The following RFX3 variants were observed in gnomAD, a reference collection of about 807,000 sequenced individuals.
The protein encoded by RFX3 is regulatory factor X3.
A neutral mutation model predicts 98.6 loss-of-function variants in RFX3; 14 were observed. The ratio of observed to expected loss-of-function variants is 0.14; its 90% CI spans 0.09 to 0.22. RFX3 has a LOEUF of 0.22. RFX3 is among the 10% of genes least tolerant of loss of function. The pLI, the probability that RFX3 is intolerant of heterozygous loss-of-function variation, is 1.00. For synonymous variants in RFX3, 383 were observed against 328.4 expected, an observed-to-expected ratio of 1.17 and a Z score of -1.80; for missense variants, 639 against 926.9, an observed-to-expected ratio of 0.69 and a Z score of 4.03.
chr9:3,427,826 T>G (rs1331010898), intron 1 of RFX3, among the ~76,000 whole-genome samples: 2 of 152,098 alleles, frequency 1.3e-5, no homozygotes, highest in East Asian at 3.9e-4. Flanking sequence ...AGCCATGACT[T>G]GAAGGGAACC....
At chr9:3,455,448 C>T (rs1847066308) in intron 1 of RFX3, among the ~76,000 whole-genome samples, 1 of 152,166 alleles carries the variant, frequency 6.6e-6, no homozygotes, top group Non-Finnish European at 1.5e-5. Flanking sequence ...ACTTCTACTT[C>T]ATTGAAGTTA....
At chr9:3,505,234 A>ATTTATATGTACATTTT (rs1322348398) in intron 1 of RFX3, among the ~76,000 whole-genome samples, 1 of 83,404 alleles carries the variant, frequency 1.2e-5, no homozygotes, top group African/African-American at 6.4e-5. Context: ...ATATATGAAT[A>ATTTATATGTACATTTT]TATATTTATA....
At chr9:3,326,855 C>CA (rs1447229331) in intron 4 of RFX3, among the ~76,000 whole-genome samples, 6 of 152,146 alleles carry the variant, frequency 3.9e-5, no homozygotes, top group African/African-American at 1.4e-4. Context: ...GCTAGTTTTA[C>CA]ATCAACTGAA....
intron 2 of RFX3, among the ~76,000 whole-genome samples, chr9:3,374,868 T>TAAA (rs71324246): frequency 4.0e-5 from 6 of 149,186 alleles, no homozygotes; most frequent in African/African-American, 7.3e-5. Flanking sequence ...AAATACAGGT[T>TAAA]AAAAAAAAAA....
intron 1 of RFX3, among the ~76,000 whole-genome samples, chr9:3,498,669 C>T (rs1851282890): frequency 6.6e-6 from 1 of 152,020 alleles, no homozygotes; most frequent in Non-Finnish European, 1.5e-5. Flanking sequence ...TTTAATACCA[C>T]AAGTCCTGTG....
chr9:3,504,201 ATT>A (rs1482257719), intron 1 of RFX3, among the ~76,000 whole-genome samples: 1 of 107,880 alleles, frequency 9.3e-6, no homozygotes, highest in Admixed American at 1.1e-4. Flanking sequence ...TATTATATAT[ATT>A]ATATATATTA....
chr9:3,437,748 C>T (rs1372843817), intron 1 of RFX3, among the ~76,000 whole-genome samples: 1 of 152,002 alleles, frequency 6.6e-6, no homozygotes, highest in African/African-American at 2.4e-5. Context: ...CAAGCCCAAC[C>T]CTATCTCTCC....
intron 1 of RFX3, among the ~76,000 whole-genome samples, chr9:3,484,309 C>A (rs1286308541): frequency 6.6e-6 from 1 of 152,144 alleles, no homozygotes; most frequent in Non-Finnish European, 1.5e-5. Context: ...GCCTGGCACA[C>A]AACTAGCACT....
rs561521793 is a variant in RFX3, at chr9:3,485,890, C to T, written c.-9+39857G>A. Among the ~76,000 whole-genome samples the T allele has an allele frequency of 2.8e-3, 420 of 152,024 alleles. 1 individual carries two copies. The highest frequency in any genetic ancestry group is 9.8e-3 in the African/African-American group (405 of 41,490). ...CTGTAATCCCAACACTTTGGGAGGC[C>T]GAGGTGGGCGGATCACCTGAAGTCG... On this transcript the variant is annotated intron_variant, in intron 1 of 16. Transcript: ENST00000617270.
chr9:3,430,341 G>C (rs1390505826), intron 1 of RFX3, among the ~76,000 whole-genome samples: 3 of 152,110 alleles, frequency 2.0e-5, no homozygotes, highest in African/African-American at 4.8e-5. Context: ...AGAAAGCATA[G>C]ATCCCAGTTA....
chr9:3,366,722 CTTTCT>C (rs1563994437), intron 2 of RFX3, among the ~76,000 whole-genome samples: 2 of 90,820 alleles, frequency 2.2e-5, no homozygotes, highest in African/African-American at 8.5e-5. Flanking sequence ...TTCTTTCTTT[CTTTCT>C]TTCTTTCTTT....
rs1355688913 is a variant in RFX3 at position 3,219,629 on chromosome 9, T to C, written c.*5413A>G. ...GCTTTTACTATTTAAGTAAAATTGGTAAACTAAACTCAGGTCTACTGGCAC... is the reference window on the plus strand; with the variant it reads ...GCTTTTACTATTTAAGTAAAATTGGCAAACTAAACTCAGGTCTACTGGCAC... On this transcript the variant is annotated 3_prime_UTR_variant, in exon 17 of 17. Transcript: ENST00000617270. 2 of 152,062 alleles carry C rather than the reference T, an allele frequency of 1.3e-5. No individual in the cohort carries two copies. Among genetic ancestry groups the C allele is most frequent in the Non-Finnish European group, 2.9e-5 (2 of 68,026 alleles). The allele number at this position is 152,062 out of a possible 1,614,324, so 9.4% of individuals were successfully genotyped here.
Position 3,220,379 on chromosome 9 carries a change from C to T in RFX3, c.*4663G>A, listed in dbSNP as rs1807844025. The stretch of plus-strand genomic sequence containing the variant: ...AAAGAAACTTAACCCTTTCTTTATA[C>T]CTTTTAAAGGCAATCTAGGTACCTT... On this transcript the variant is annotated 3_prime_UTR_variant, in exon 17 of 17. Coordinates refer to ENST00000617270, the MANE Select transcript of RFX3 (RefSeq NM_001282116.2). 6.6e-6 allele frequency: 1 copy of T among 151,824 alleles called. No homozygotes were observed. Among genetic ancestry groups the T allele is most frequent in the Non-Finnish European group, 1.5e-5 (1 of 67,972 alleles). 9.4% of individuals were successfully genotyped at this position (151,824 alleles called of 1,614,324 possible). A position where few individuals can be genotyped will look rare whatever the true frequency, so the allele number is the denominator to read the frequency against.
chr9:3,525,776 G>C lies in RFX3; in HGVS notation c.-38C>G. 1 of 448,818 alleles carries C rather than the reference G, an allele frequency of 2.2e-6. No homozygotes were observed. Among genetic ancestry groups the C allele is most frequent in the Non-Finnish European group, 3.0e-6 (1 of 338,910 alleles). 27.8% of individuals were successfully genotyped at this position (448,818 alleles called of 1,614,324 possible). On this transcript the variant is annotated 5_prime_UTR_variant, in exon 1 of 17. Transcript: ENST00000617270. ...GCTGTGGATTATTGTGGTGTTGTTG[G>C]TGGGTGATGGAGATGGTGGTGGTGG...
chr9:3,253,276 T>C (rs868752494), intron 14 of RFX3, among the ~76,000 whole-genome samples: 41 of 152,234 alleles, frequency 2.7e-4, no homozygotes, highest in African/African-American at 9.4e-4. Flanking sequence ...CTGTGATCCT[T>C]ATGTGAACTC....
At chr9:3,334,828 T>C (rs777252835) in intron 3 of RFX3, among the ~76,000 whole-genome samples, 4 of 152,086 alleles carry the variant, frequency 2.6e-5, no homozygotes, top group Non-Finnish European at 5.9e-5. Flanking sequence ...GATTATAATA[T>C]CCTTAGCTGG....
At chr9:3,304,316 C>G (rs1348683986) in intron 4 of RFX3, among the ~76,000 whole-genome samples, 2 of 151,784 alleles carry the variant, frequency 1.3e-5, no homozygotes, top group East Asian at 3.9e-4. Flanking sequence ...TTTTAAAAAA[C>G]AGTTTCTTTT....
chr9:3,466,338 G>A (rs1388953472), intron 1 of RFX3, among the ~76,000 whole-genome samples: 1 of 152,038 alleles, frequency 6.6e-6, no homozygotes, highest in Non-Finnish European at 1.5e-5. Flanking sequence ...TCCTTGTCTT[G>A]CTCTACTGGC....
intron 1 of RFX3, among the ~76,000 whole-genome samples, chr9:3,457,139 CAAAAAAA>C (rs1169959832): frequency 7.5e-4 from 17 of 22,812 alleles, no homozygotes; most frequent in African/African-American, 2.1e-3. Context: ...GACTCCATCT[CAAAAAAA>C]AAAAAAAAAA....
Sources: allele counts gnomAD v4.1 joint callset (sites outside exome capture counted in the v4.1 genomes callset), GRCh38; gene constraint gnomAD v4.1.1; transcripts MANE v1.5; gene names NCBI Gene and HGNC (gene_info 2026-07-23, HGNC 2026-07-21).